Variants in SCUBE1 observed in about 807,000 individuals in gnomAD.
SCUBE1 encodes the protein signal peptide, CUB and EGF-like domain-containing protein 1.
Under a neutral mutation model 124.4 loss-of-function variants are expected in SCUBE1, and 59 were observed. The observed-to-expected ratio is 0.47, with a 90% CI of 0.38 to 0.59. The LOEUF (loss-of-function observed/expected upper bound fraction) is 0.59, where lower values mean the gene tolerates loss of function less well. Ranked by LOEUF, SCUBE1 falls within the 20% of genes least tolerant of loss-of-function variation. The probability of loss-of-function intolerance (pLI) is 0.00; values close to 1 mark genes in which losing one functional copy is unlikely to be tolerated. For synonymous variants in SCUBE1, 545 were observed against 550.9 expected (o/e 0.99, Z 0.15); for missense variants, 1,150 against 1,371.2 (o/e 0.84, Z 2.55).
At position 43,277,589 on chromosome 22, in the gene SCUBE1, G is replaced by T. The variant is rs1417234152; in HGVS notation, c.484+13457C>A. On this transcript the variant is annotated intron_variant, in intron 4 of 21. Transcript: ENST00000360835. ...GCGGTTGGGCCTGGGTGCAAATCTT[G>T]GCTTTGCTACTTCTTCACTACGGAC... is the stretch of plus-strand genomic sequence containing the variant. Among the ~76,000 whole-genome samples the T allele has an allele frequency of 2.0e-5, 3 of 152,196 alleles. No individual in the cohort carries two copies. In the East Asian group the frequency reaches 5.8e-4, roughly 29 times the overall value.
Position 43,203,959 on chromosome 22 carries a change from C to T in SCUBE1, c.*38G>A, listed in dbSNP as rs199725100. ...CTGTGGAGGGCAGGTGCACCCTCCG[C>T]GGACCAGGCCACCCCCAGGCAGGGC... On this transcript the variant is annotated 3_prime_UTR_variant, in exon 22 of 22. Transcript: ENST00000360835. 35 of 1,609,836 alleles carry T rather than the reference C, an allele frequency of 2.2e-5. No individual in the cohort carries two copies. The highest frequency in any genetic ancestry group is 1.5e-4 in the African/African-American group (11 of 74,974).
At chr22:43,273,953 G>A (rs903491383) in intron 4 of SCUBE1, among the ~76,000 whole-genome samples, 9 of 152,124 alleles carry the variant, frequency 5.9e-5, no homozygotes, top group African/African-American at 1.9e-4. Context: ...GCTGCAGGGG[G>A]TGCTCTGTAA....
intron 2 of SCUBE1, among the ~76,000 whole-genome samples, chr22:43,328,594 A>G (rs1347181077): frequency 1.3e-5 from 2 of 152,198 alleles, no homozygotes; most frequent in Non-Finnish European, 2.9e-5. Context: ...TGAGGCCCAA[A>G]GAAGGGAGCT....
chr22:43,338,754 T>C (rs538693910), intron 2 of SCUBE1, among the ~76,000 whole-genome samples: 3 of 152,142 alleles, frequency 2.0e-5, no homozygotes, highest in Non-Finnish European at 4.4e-5. Context: ...GCCAGGCTGG[T>C]CTCAAACTCT....
At chr22:43,298,909 G>A (rs376825141) in intron 3 of SCUBE1, among the ~76,000 whole-genome samples, 10 of 152,076 alleles carry the variant, frequency 6.6e-5, no homozygotes, top group African/African-American at 2.2e-4. Context: ...AAAATTAGCC[G>A]GGCATGGTGG....
intron 2 of SCUBE1, among the ~76,000 whole-genome samples, chr22:43,332,893 A>T (rs2146798108): frequency 6.6e-6 from 1 of 151,696 alleles, no homozygotes; most frequent in African/African-American, 2.4e-5. Context: ...ACAGCTGATA[A>T]CTCCCCTGTC....
At position 43,207,612 on chromosome 22, in the gene SCUBE1, C is replaced by T; in HGVS notation, c.2736G>A (p.Glu912=). 6.2e-7 allele frequency: 1 copy of T among 1,613,636 alleles called. No homozygotes were observed. Among genetic ancestry groups the T allele is most frequent in the Non-Finnish European group, 8.5e-7 (1 of 1,179,626 alleles). ...GFQVPYVTYD[E]DYQQLIEDIV... ...TGTCCTCTATGAGTTGCTGGTAGTC[C>T]TCTGGGCAGCGGGTCAGCAGGGGGA... The change falls in exon 21 of 22, where the codon GAG becomes GAA. Residue 912 remains glutamate, a splice_region_variant and synonymous_variant. Coordinates refer to ENST00000360835, the MANE Select transcript of SCUBE1 (RefSeq NM_173050.5).
chr22:43,217,755 C>A (rs1921898999), intron 15 of SCUBE1, among the ~76,000 whole-genome samples: 1 of 152,156 alleles, frequency 6.6e-6, no homozygotes, highest in South Asian at 2.1e-4. Flanking sequence ...GCTCTCCCCT[C>A]CAGCGCACAC....
chr22:43,326,894 C>T (rs1926744691), intron 2 of SCUBE1, among the ~76,000 whole-genome samples: 1 of 152,110 alleles, frequency 6.6e-6, no homozygotes, highest in Admixed American at 6.5e-5. Context: ...ATCACCTCCT[C>T]CCTGAAGCTT....
intron 16 of SCUBE1, chr22:43,212,796 C>T: frequency 1.7e-6 from 1 of 588,152 alleles, no homozygotes. Context: ...GCCAGCGGTT[C>T]ATGTGCGGCC....
At chr22:43,317,299 T>A (rs1601886104) in intron 3 of SCUBE1, among the ~76,000 whole-genome samples, 1 of 152,194 alleles carries the variant, frequency 6.6e-6, no homozygotes, top group African/African-American at 2.4e-5. Flanking sequence ...CACTTCACAC[T>A]GTCACCTCAT....
chr22:43,224,594 C>T (rs761428326), intron 10 of SCUBE1, among the ~76,000 whole-genome samples: 4 of 152,170 alleles, frequency 2.6e-5, no homozygotes, highest in Non-Finnish European at 5.9e-5. Context: ...GGGGCCAATT[C>T]CTGTAGGCAA....
intron 4 of SCUBE1, among the ~76,000 whole-genome samples, chr22:43,263,962 A>T (rs1400794010): frequency 6.6e-6 from 1 of 152,232 alleles, no homozygotes; most frequent in Non-Finnish European, 1.5e-5. Flanking sequence ...ATTCCAAAAC[A>T]GCATCAGCGC....
At chr22:43,303,409 C>T (rs1374630028) in intron 3 of SCUBE1, among the ~76,000 whole-genome samples, 4 of 152,274 alleles carry the variant, frequency 2.6e-5, no homozygotes, top group Non-Finnish European at 4.4e-5. Context: ...GGGCTTGTTC[C>T]TTCCTGCACT....
intron 1 of SCUBE1, among the ~76,000 whole-genome samples, chr22:43,339,996 C>G (rs1337076702): frequency 2.6e-5 from 3 of 116,668 alleles, no homozygotes; most frequent in South Asian, 3.0e-4. Flanking sequence ...ACCCTCCCCC[C>G]ACTCTCCTCA....
At chr22:43,278,288 AC>A (rs1461661064) in intron 4 of SCUBE1, among the ~76,000 whole-genome samples, 1 of 152,154 alleles carries the variant, frequency 6.6e-6, no homozygotes, top group Non-Finnish European at 1.5e-5. Flanking sequence ...AGAACCTGCA[AC>A]CCCACATGTC....
chr22:43,332,968 C>G (rs148904709), intron 2 of SCUBE1, among the ~76,000 whole-genome samples: 4 of 152,340 alleles, frequency 2.6e-5, no homozygotes, highest in Non-Finnish European at 5.9e-5. Context: ...CTTCCACACC[C>G]TGTGCCAGGC....
At chr22:43,339,592 C>G (rs1927201341) in intron 1 of SCUBE1, among the ~76,000 whole-genome samples, 1 of 150,686 alleles carries the variant, frequency 6.6e-6, no homozygotes, top group Non-Finnish European at 1.5e-5. Context: ...CACTCCAGCC[C>G]TCCCCTACTC....
At chr22:43,316,334 G>T (rs113969755) in intron 3 of SCUBE1, among the ~76,000 whole-genome samples, 2 of 152,216 alleles carry the variant, frequency 1.3e-5, no homozygotes, top group Admixed American at 6.5e-5. Flanking sequence ...CCTCTTGGCC[G>T]CTGGGTGATA....
Sources: allele counts gnomAD v4.1 joint callset (sites outside exome capture counted in the v4.1 genomes callset), GRCh38; gene constraint gnomAD v4.1.1; transcripts MANE v1.5; gene names NCBI Gene and HGNC (gene_info 2026-07-23, HGNC 2026-07-21).